DISC1: variants seen among roughly 807,000 people sequenced by gnomAD.
The protein encoded by DISC1 is disrupted in schizophrenia 1 protein.
A neutral mutation model predicts 84.5 loss-of-function variants in DISC1; 57 were observed. The observed-to-expected ratio is 0.67, with a 90% CI of 0.55 to 0.84. DISC1 has a LOEUF of 0.84. Ranked by LOEUF, DISC1 falls within the 40% of genes least tolerant of loss-of-function variation. The probability of loss-of-function intolerance (pLI) is 0.00; values close to 1 mark genes in which losing one functional copy is unlikely to be tolerated. For missense variants in DISC1, 1,000 were observed against 1,057.8 expected (o/e 0.95, Z 0.76); for synonymous variants, 411 against 415.2 (o/e 0.99, Z 0.12).
chr1:231,734,709 A>G (rs146710113), intron 3 of DISC1, among the ~76,000 whole-genome samples: 8 of 152,364 alleles, frequency 5.3e-5, no homozygotes, highest in Admixed American at 3.9e-4. Flanking sequence ...ACAAATATGT[A>G]TCAAGAACAA....
intron 9 of DISC1, among the ~76,000 whole-genome samples, chr1:231,857,006 G>A (rs1417154305): frequency 2.0e-5 from 3 of 152,192 alleles, no homozygotes; most frequent in Non-Finnish European, 4.4e-5. Flanking sequence ...AGGGGATGGA[G>A]TTTACATGAG....
chr1:231,670,337 A>G (rs1394422206), intron 1 of DISC1, among the ~76,000 whole-genome samples: 2 of 152,184 alleles, frequency 1.3e-5, no homozygotes, highest in African/African-American at 4.8e-5. Flanking sequence ...CATGCCCCTG[A>G]ACTTAAAAGT....
chr1:231,781,023 G>T (rs1240882646), intron 6 of DISC1, among the ~76,000 whole-genome samples: 1 of 104,728 alleles, frequency 9.5e-6, no homozygotes. Context: ...GGTGGGGGGA[G>T]GGGGGAGGGA....
chr1:231,939,604 C>T (rs117543951), intron 9 of DISC1, among the ~76,000 whole-genome samples: 1 of 152,302 alleles, frequency 6.6e-6, no homozygotes, highest in East Asian at 1.9e-4. Context: ...TCCTCTCTTG[C>T]CTTCCTTACA....
chr1:231,694,738 A>G lies in DISC1; in HGVS notation c.980A>G (p.Asp327Gly). ...SSGSGDAHSWDTLLRKWEPVL... is the reference protein window; with the variant it reads ...SSGSGDAHSWGTLLRKWEPVL... The stretch of plus-strand genomic sequence containing the variant: ...GGCTCAGGGGATGCCCACTCTTGGG[A>G]CACCCTGCTCAGGAAATGGGAGCCA... The change falls in exon 2 of 13, where the codon GAC (aspartate) becomes GGC (glycine). Residue 327 changes from aspartate to glycine, a missense_variant. This residue lies in a region of DISC1 where 311 missense variants were observed against 400.1 expected (regional missense o/e 0.78). Transcript: ENST00000439617. 6.2e-7 allele frequency: 1 copy of G among 1,614,026 alleles called. No homozygotes were observed. Among genetic ancestry groups the G allele is most frequent in the Non-Finnish European group, 8.5e-7 (1 of 1,180,030 alleles).
intron 1 of DISC1, among the ~76,000 whole-genome samples, chr1:231,640,597 C>T (rs1370934535): frequency 6.6e-6 from 1 of 150,926 alleles, no homozygotes; most frequent in Non-Finnish European, 1.5e-5. Flanking sequence ...GGCATGATCA[C>T]AGCTCACTGC....
At chr1:231,809,523 T>TTAAAAA (rs1491410470) in intron 8 of DISC1, among the ~76,000 whole-genome samples, 5 of 78,142 alleles carry the variant, frequency 6.4e-5, no homozygotes, top group African/African-American at 1.9e-4. Context: ...CTTTTTTTTT[T>TTAAAAA]GAAAAAAAAA....
chr1:231,829,297 G>A (rs2082059953), intron 9 of DISC1, among the ~76,000 whole-genome samples: 1 of 152,156 alleles, frequency 6.6e-6, no homozygotes. Flanking sequence ...TATAATAACA[G>A]AGTGGTATTT....
At chr1:231,841,055 G>C (rs2083018944) in intron 9 of DISC1, among the ~76,000 whole-genome samples, 2 of 152,266 alleles carry the variant, frequency 1.3e-5, no homozygotes, top group South Asian at 2.1e-4. Context: ...AATCTGGAAT[G>C]CTCCAAAATC....
intron 3 of DISC1, among the ~76,000 whole-genome samples, chr1:231,716,887 CA>C (rs2125066685): frequency 6.6e-6 from 1 of 152,172 alleles, no homozygotes; most frequent in Admixed American, 6.5e-5. Flanking sequence ...ATGGACTGGA[CA>C]GCTAATTTGT....
At chr1:231,898,970 A>G (rs987076076) in intron 9 of DISC1, among the ~76,000 whole-genome samples, 2 of 151,582 alleles carry the variant, frequency 1.3e-5, no homozygotes, top group Admixed American at 6.6e-5. Flanking sequence ...AACAAAAAAA[A>G]CCCCACAAAA....
intron 4 of DISC1, among the ~76,000 whole-genome samples, chr1:231,759,546 A>AAAAAC (rs2075452190): frequency 7.0e-6 from 1 of 143,090 alleles, no homozygotes; most frequent in African/African-American, 2.8e-5. Flanking sequence ...AAAAAAAAAA[A>AAAAAC]AAAAACAAAA....
intron 3 of DISC1, among the ~76,000 whole-genome samples, chr1:231,708,192 C>T (rs1011896320): frequency 3.9e-5 from 6 of 152,214 alleles, no homozygotes; most frequent in South Asian, 2.1e-4. Flanking sequence ...GGTATTTCCG[C>T]GGAGATTAGT....
intron 9 of DISC1, among the ~76,000 whole-genome samples, chr1:231,833,050 G>A (rs2082358338): frequency 7.0e-6 from 1 of 143,372 alleles, no homozygotes; most frequent in East Asian, 2.1e-4. Context: ...TATACTTGTG[G>A]GTTAAGGTGG....
chr1:232,036,855 G>T lies in DISC1; in HGVS notation c.*24G>T. 6.6e-7 allele frequency: 1 copy of T among 1,521,464 alleles called. No individual in the cohort carries two copies. The highest frequency in any genetic ancestry group is 1.3e-5 in the South Asian group (1 of 78,398). The allele number at this position is 1,521,464 out of a possible 1,614,324, so 94.2% of individuals were successfully genotyped here. A position where few individuals can be genotyped will look rare whatever the true frequency, so the allele number is the denominator to read the frequency against. On this transcript the variant is annotated 3_prime_UTR_variant, in exon 13 of 13. Transcript: ENST00000439617. ...GAGGAGTGACGGGATGGGGGAGGGA[G>T]GTGGGCCACCATGTTTGGACCCGGG...
At chr1:231,886,732 A>ACTT (rs1003149731) in intron 9 of DISC1, among the ~76,000 whole-genome samples, 4 of 150,914 alleles carry the variant, frequency 2.7e-5, no homozygotes, top group African/African-American at 7.3e-5. Context: ...AACAGACCTG[A>ACTT]CTTTCTTTCT....
At chr1:231,969,343 G>T (rs915949345) in intron 10 of DISC1, among the ~76,000 whole-genome samples, 1 of 152,008 alleles carries the variant, frequency 6.6e-6, no homozygotes, top group Admixed American at 6.6e-5. Context: ...CAGTCAAGTG[G>T]CAGGGATCCT....
intron 10 of DISC1, among the ~76,000 whole-genome samples, chr1:231,997,499 A>G (rs1666105836): frequency 6.6e-6 from 1 of 152,154 alleles, no homozygotes; most frequent in Non-Finnish European, 1.5e-5. Flanking sequence ...CTTTTCAGAC[A>G]TGACCTTTTC....
chr1:231,801,546 G>C (rs1337384955), intron 8 of DISC1, among the ~76,000 whole-genome samples: 1 of 152,210 alleles, frequency 6.6e-6, no homozygotes. Flanking sequence ...GGTGAGGCCT[G>C]ATCTGCTGAA....
Sources: gnomAD v4.1 joint callset for allele counts (sites outside exome capture counted in the v4.1 genomes callset) on GRCh38, gnomAD v4.1.1 for gene constraint, gnomAD v4.1.1 regional missense constraint, MANE v1.5 for transcripts, NCBI Gene and HGNC (gene_info 2026-07-23, HGNC 2026-07-21) for gene names.